Variants in CPLX2 observed in about 807,000 individuals in gnomAD.
CPLX2 encodes complexin 2.
CPLX2 carries 5 observed loss-of-function variants against 16.3 expected under a neutral mutation model. The observed-to-expected ratio is 0.31, with a 90% CI of 0.16 to 0.64. CPLX2 has a LOEUF of 0.64. Among genes scored for constraint, CPLX2 ranks in the 30% least tolerant of loss-of-function variants. CPLX2 has a pLI of 0.79. For missense variants in CPLX2, 144 were observed against 181.4 expected (o/e 0.79, Z 1.18); for synonymous variants, 89 against 73.2 (o/e 1.22, Z -1.10).
At chr5:175,802,982 C>A (rs1400350884) in intron 1 of CPLX2, among the ~76,000 whole-genome samples, 1 of 152,142 alleles carries the variant, frequency 6.6e-6, no homozygotes, top group Non-Finnish European at 1.5e-5. Context: ...CAGGCACCCG[C>A]CATCACACCA....
At chr5:175,860,567 A>AAGGG (rs1186882233) in intron 2 of CPLX2, among the ~76,000 whole-genome samples, 1,490 of 105,686 alleles carry the variant, frequency 0.014, 70 homozygotes, top group African/African-American at 0.05. Context: ...AAAGAAAAAG[A>AAGGG]AGGGAGGGAG....
upstream of CPLX2, among the ~76,000 whole-genome samples, chr5:175,869,415 T>C (rs1759538524): frequency 6.6e-6 from 1 of 151,814 alleles, no homozygotes; most frequent in African/African-American, 2.4e-5. Flanking sequence ...CAGGGCAGTC[T>C]ATCCTATGGC....
At chr5:175,871,483 G>GAGAGAGAGAGAT (rs1759616623), upstream of CPLX2, 1 of 150,114 alleles carries the variant, frequency 6.7e-6, no homozygotes, top group Admixed American at 6.6e-5. Flanking sequence ...GAGAGAGAGA[G>GAGAGAGAGAGAT]AGATTTGAAT....
intron 2 of CPLX2, among the ~76,000 whole-genome samples, chr5:175,852,621 G>C (rs970414857): frequency 2.0e-5 from 3 of 152,206 alleles, no homozygotes; most frequent in African/African-American, 7.2e-5. Context: ...GGGAAACTGA[G>C]GATCAGAGAG....
intron 2 of CPLX2, among the ~76,000 whole-genome samples, chr5:175,814,759 G>C (rs1261941635): frequency 6.6e-6 from 1 of 152,184 alleles, no homozygotes; most frequent in Non-Finnish European, 1.5e-5. Context: ...GCTGCACAAG[G>C]GGTCTGGAAG....
intron 2 of CPLX2, among the ~76,000 whole-genome samples, chr5:175,850,928 G>T (rs900564218): frequency 6.6e-6 from 1 of 150,718 alleles, no homozygotes; most frequent in African/African-American, 2.4e-5. Context: ...GGCTGGGAAG[G>T]CCTGAGGAAC....
intron 1 of CPLX2, among the ~76,000 whole-genome samples, chr5:175,806,093 C>G (rs987805442): frequency 6.6e-6 from 1 of 152,296 alleles, no homozygotes; most frequent in East Asian, 1.9e-4. Context: ...CTGGAAGGAT[C>G]TAGAGCGCAG....
chr5:175,820,379 G>C (rs1332933977), intron 2 of CPLX2, among the ~76,000 whole-genome samples: 1 of 152,154 alleles, frequency 6.6e-6, no homozygotes, highest in Non-Finnish European at 1.5e-5. Flanking sequence ...CCCTCTCCCT[G>C]GGTAGCAGGG....
chr5:175,806,189 C>T (rs1471320533), intron 1 of CPLX2, among the ~76,000 whole-genome samples: 5 of 100,144 alleles, frequency 5.0e-5, no homozygotes, highest in Non-Finnish European at 9.8e-5. Flanking sequence ...TCTGACAACC[C>T]GCCAGTCTTT....
chr5:175,801,025 G>A (rs970240537), intron 1 of CPLX2, among the ~76,000 whole-genome samples: 1 of 152,146 alleles, frequency 6.6e-6, no homozygotes, highest in South Asian at 2.1e-4. Flanking sequence ...AGTGAGTGAG[G>A]GGAGAGCAGC....
At chr5:175,854,551 G>A (rs1452234394) in intron 2 of CPLX2, among the ~76,000 whole-genome samples, 4 of 152,164 alleles carry the variant, frequency 2.6e-5, no homozygotes, top group African/African-American at 9.7e-5. Context: ...CCTTAGAACC[G>A]TGCCTGGCAG....
At position 175,813,161 on chromosome 5, in the gene CPLX2, ATTATT is replaced by A. The variant is rs965846436; in HGVS notation, c.-89+4097_-89+4101del. On this transcript the variant is annotated intron_variant, in intron 2 of 4. Transcript: ENST00000359546. The stretch of plus-strand genomic sequence containing the variant: ...TTAGCTGGTATACAGATGAACATTT[ATTATT>A]TTAATAGCTCGCAAGTGATGCGTGT... Among the ~76,000 whole-genome samples the A allele has an allele frequency of 3.9e-5, 6 of 152,244 alleles. 1 individual carries two copies. The highest frequency in any genetic ancestry group is 7.2e-5 in the African/African-American group (3 of 41,464).
chr5:175,818,427 G>C (rs1380736379), intron 2 of CPLX2, among the ~76,000 whole-genome samples: 4 of 152,074 alleles, frequency 2.6e-5, no homozygotes, highest in Middle Eastern at 3.2e-3. Flanking sequence ...GCCATGGAAG[G>C]GCGAGTTGTT....
intron 2 of CPLX2, among the ~76,000 whole-genome samples, chr5:175,847,573 C>T (rs17830211): frequency 1.3e-5 from 2 of 152,224 alleles, no homozygotes; most frequent in Admixed American, 1.3e-4. Context: ...ACTCCAGGAA[C>T]CTTGCCTGAG....
At chr5:175,801,455 G>A (rs1758095592) in intron 1 of CPLX2, among the ~76,000 whole-genome samples, 1 of 152,224 alleles carries the variant, frequency 6.6e-6, no homozygotes, top group South Asian at 2.1e-4. Context: ...TGGGAAAGGA[G>A]AGTGGTAAGG....
intron 2 of CPLX2, among the ~76,000 whole-genome samples, chr5:175,841,055 C>T (rs1019815939): frequency 3.9e-5 from 6 of 152,198 alleles, no homozygotes; most frequent in African/African-American, 1.4e-4. Flanking sequence ...CTATGAAGGG[C>T]TGTGCCAGGA....
At chr5:175,819,461 C>T (rs112430208) in intron 2 of CPLX2, among the ~76,000 whole-genome samples, 1,739 of 152,256 alleles carry the variant, frequency 0.011, 33 homozygotes, top group African/African-American at 0.04. Flanking sequence ...TGGAGTGGTG[C>T]CGTTGGAATT....
At chr5:175,803,561 A>C (rs2113624568) in intron 1 of CPLX2, among the ~76,000 whole-genome samples, 1 of 152,286 alleles carries the variant, frequency 6.6e-6, no homozygotes, top group Middle Eastern at 3.4e-3. Context: ...GCAAAAACAA[A>C]CCTGACAAGA....
Position 175,878,655 on chromosome 5 carries a change from G to A in CPLX2, c.-85G>A. On this transcript the variant is annotated 5_prime_UTR_variant, in exon 2 of 4. Transcript: ENST00000393745. ...GACTCCCAATTCTCTTCTGCAGGTT[G>A]TCACATCTTCCCAAGCCAGGCCAGC... 3 of 1,511,046 alleles carry A rather than the reference G, an allele frequency of 2.0e-6. No homozygotes were observed. The highest frequency in any genetic ancestry group is 2.7e-6 in the Non-Finnish European group (3 of 1,103,668). The allele number at this position is 1,511,046 out of a possible 1,614,324, so 93.6% of individuals were successfully genotyped here. A position where few individuals can be genotyped will look rare whatever the true frequency, so the allele number is the denominator to read the frequency against.
Sources: gnomAD v4.1 joint callset for allele counts (sites outside exome capture counted in the v4.1 genomes callset) on GRCh38, gnomAD v4.1.1 for gene constraint, MANE v1.5 for transcripts, NCBI Gene and HGNC (gene_info 2026-07-23, HGNC 2026-07-21) for gene names.